Variants in LSAMP observed in about 807,000 individuals in gnomAD.
The protein encoded by LSAMP is limbic system-associated membrane protein.
A neutral mutation model predicts 38.6 loss-of-function variants in LSAMP; 7 were observed. The ratio of observed to expected loss-of-function variants is 0.18; its 90% CI spans 0.10 to 0.34. LSAMP has a LOEUF of 0.34. Among genes scored for constraint, LSAMP ranks in the 10% least tolerant of loss-of-function variants. The probability of loss-of-function intolerance (pLI) is 1.00; values close to 1 mark genes in which losing one functional copy is unlikely to be tolerated. For synonymous variants in LSAMP, 154 were observed against 166.8 expected (o/e 0.92, Z 0.59); for missense variants, 313 against 420.0 (o/e 0.75, Z 2.23).
chr3:116,019,787 G>A, intron 2 of LSAMP, 147 bp from the exon 3 acceptor site: 4 of 804,352 alleles, frequency 5.0e-6, no homozygotes, highest in Non-Finnish European at 7.9e-6. Flanking sequence ...ACCCATGCTT[G>A]CCATCTGCTT....
intron 3 of LSAMP, among the ~76,000 whole-genome samples, chr3:115,889,864 A>G (rs940075995): frequency 1.3e-5 from 2 of 151,992 alleles, no homozygotes; most frequent in African/African-American, 4.8e-5. Flanking sequence ...TGCGAAAAAC[A>G]TACAAATCAT....
chr3:115,872,626 A>T (rs375457622), intron 3 of LSAMP, among the ~76,000 whole-genome samples: 2 of 152,324 alleles, frequency 1.3e-5, no homozygotes, highest in South Asian at 4.1e-4. Flanking sequence ...GGTATGCAGA[A>T]TAAAAATACA....
intron 6 of LSAMP, chr3:115,814,140 A>G (rs1346962939): frequency 1.3e-5 from 2 of 152,220 alleles, no homozygotes; most frequent in Non-Finnish European, 2.9e-5. Context: ...TGGATTACAG[A>G]AAGAGATGAA....
intron 3 of LSAMP, among the ~76,000 whole-genome samples, chr3:115,920,586 T>G (rs1187242516): frequency 6.6e-6 from 1 of 152,176 alleles, no homozygotes; most frequent in Non-Finnish European, 1.5e-5. Context: ...TTCTTCAATT[T>G]GTGAAGGCTT....
chr3:116,440,999 T>A lies in LSAMP; in HGVS notation c.155+3878A>T, dbSNP rs567830335. Among the ~76,000 whole-genome samples, 4 of 152,358 alleles carry A rather than the reference T, an allele frequency of 2.6e-5. No homozygotes were observed. The East Asian group carries it at 7.7e-4, about 29-fold the overall frequency. On this transcript the variant is annotated intron_variant, in intron 1 of 6. Coordinates refer to ENST00000490035, the MANE Select transcript of LSAMP (RefSeq NM_002338.5). ...TAAACAGAAATTTGAACAAGATCTTTATATTTCACTATCAAATAATCAAAT... is the reference window on the plus strand; with the variant it reads ...TAAACAGAAATTTGAACAAGATCTTAATATTTCACTATCAAATAATCAAAT...
chr3:116,005,200 C>G (rs1311537734), intron 3 of LSAMP, among the ~76,000 whole-genome samples: 1 of 152,136 alleles, frequency 6.6e-6, no homozygotes, highest in African/African-American at 2.4e-5. Flanking sequence ...AGCTAACTCC[C>G]TGTCTTAGTG....
chr3:116,230,345 T>C (rs560954427), intron 1 of LSAMP, among the ~76,000 whole-genome samples: 3 of 152,284 alleles, frequency 2.0e-5, no homozygotes, highest in Admixed American at 6.5e-5. Context: ...TTTTAGCACA[T>C]GAGATTGCTT....
chr3:115,836,823 C>A (rs886185657), intron 6 of LSAMP, among the ~76,000 whole-genome samples: 1 of 151,986 alleles, frequency 6.6e-6, no homozygotes, highest in Non-Finnish European at 1.5e-5. Context: ...CATTCTGTGA[C>A]CCAGGTTAGA....
intron 1 of LSAMP, among the ~76,000 whole-genome samples, chr3:116,441,565 T>C (rs1216514275): frequency 6.6e-6 from 1 of 152,220 alleles, no homozygotes; most frequent in Non-Finnish European, 1.5e-5. Flanking sequence ...TTCTTTGACT[T>C]GTAAGAGAAC....
At chr3:116,195,158 A>G (rs962691722) in intron 1 of LSAMP, among the ~76,000 whole-genome samples, 7 of 152,154 alleles carry the variant, frequency 4.6e-5, no homozygotes, top group African/African-American at 1.4e-4. Context: ...CTAGAGATCA[A>G]TCCCTTGACT....
rs368279238 is a variant in LSAMP, at chr3:115,842,463, G to A, written c.765C>T (p.Asp255=). The A allele has an allele frequency of 2.9e-5, 46 of 1,613,760 alleles. No homozygotes were observed. The highest frequency in any genetic ancestry group is 3.6e-5 in the Non-Finnish European group (43 of 1,179,788). The change falls in exon 5 of 7, where the codon GAC becomes GAT. Residue 255 remains aspartate, a synonymous_variant. Transcript: ENST00000490035. ...ATGGTAGGTTTGGCACATACCTAGT[G>A]TCATCCCGGTACCACTCAAAGTCAG... ...PAPDFEWYRD[D]TRINSANGLE...
chr3:115,944,837 T>G (rs1348479299), intron 3 of LSAMP, among the ~76,000 whole-genome samples: 2 of 152,166 alleles, frequency 1.3e-5, no homozygotes, highest in Non-Finnish European at 2.9e-5. Context: ...AGCGCCTCTC[T>G]CCAGTCTACT....
chr3:115,816,439 T>A (rs1934020650), intron 6 of LSAMP, among the ~76,000 whole-genome samples: 1 of 152,170 alleles, frequency 6.6e-6, no homozygotes, highest in African/African-American at 2.4e-5. Context: ...ATGGGTTTGA[T>A]CAGGAACTTT....
intron 2 of LSAMP, among the ~76,000 whole-genome samples, chr3:116,077,410 C>T (rs1202948592): frequency 1.3e-5 from 2 of 151,834 alleles, no homozygotes; most frequent in East Asian, 1.9e-4. Flanking sequence ...GTATTTTGTT[C>T]CTCATGGGAT....
intron 1 of LSAMP, among the ~76,000 whole-genome samples, chr3:116,160,661 C>T (rs1465967683): frequency 6.6e-6 from 1 of 152,054 alleles, no homozygotes; most frequent in Non-Finnish European, 1.5e-5. Context: ...ACCCCTGAAC[C>T]TAAAATTGAA....
chr3:116,354,510 T>C lies in LSAMP; in HGVS notation c.155+90367A>G, dbSNP rs372735528. Among the ~76,000 whole-genome samples the C allele has an allele frequency of 5.3e-5, 8 of 152,336 alleles. No individual in the cohort carries two copies. The South Asian group carries it at 1.7e-3, about 32-fold the overall frequency. The stretch of plus-strand genomic sequence containing the variant: ...AATCATAGTCCCAGTGGCTTTCCCT[T>C]GGCAATGAAGAAGCTTAAATATTTC... On this transcript the variant is annotated intron_variant, in intron 1 of 6. Transcript: ENST00000490035.
chr3:115,882,551 G>A lies in LSAMP; in HGVS notation c.515-29934C>T, dbSNP rs182463654. On this transcript the variant is annotated intron_variant, in intron 3 of 6. Coordinates refer to ENST00000490035, the MANE Select transcript of LSAMP (RefSeq NM_002338.5). ...TCAAGAGCCATTCTCCTAAAAATTT[G>A]CATAATAGAGTTCCCATAGACTCAT... Among the ~76,000 whole-genome samples, 418 of 152,074 alleles carry A rather than the reference G, an allele frequency of 2.7e-3. 4 individuals are homozygous for A. The highest frequency in any genetic ancestry group is 9.6e-3 in the African/African-American group (397 of 41,520).
intron 1 of LSAMP, among the ~76,000 whole-genome samples, chr3:116,143,413 T>A (rs1160556415): frequency 1.3e-5 from 2 of 151,960 alleles, no homozygotes; most frequent in Non-Finnish European, 2.9e-5. Flanking sequence ...CACAACAGGG[T>A]GACTATAGTC....
intron 3 of LSAMP, among the ~76,000 whole-genome samples, chr3:115,858,133 C>T (rs2107530598): frequency 7.8e-6 from 1 of 128,838 alleles, no homozygotes; most frequent in South Asian, 2.5e-4. Flanking sequence ...TTCCGTCCTC[C>T]CATCTCTCTC....
Sources: allele counts gnomAD v4.1 joint callset (sites outside exome capture counted in the v4.1 genomes callset), GRCh38; gene constraint gnomAD v4.1.1; transcripts MANE v1.5; gene names NCBI Gene and HGNC (gene_info 2026-07-23, HGNC 2026-07-21).